TNRC6C: variants seen among roughly 807,000 people sequenced by gnomAD.
TNRC6C encodes the protein trinucleotide repeat containing adaptor 6C, also known as trinucleotide repeat-containing gene 6C protein.
TNRC6C carries 20 observed loss-of-function variants against 153.7 expected under a neutral mutation model. The ratio of observed to expected loss-of-function variants is 0.13; its 90% CI spans 0.09 to 0.19. The LOEUF (loss-of-function observed/expected upper bound fraction) is 0.19, where lower values mean the gene tolerates loss of function less well. Among genes scored for constraint, TNRC6C ranks in the 10% least tolerant of loss-of-function variants. The probability of loss-of-function intolerance (pLI) is 1.00; values close to 1 mark genes in which losing one functional copy is unlikely to be tolerated. For missense variants in TNRC6C, 1,987 were observed against 2,172.0 expected (o/e 0.91, Z 1.69); for synonymous variants, 811 against 841.4 (o/e 0.96, Z 0.63).
intron 1 of TNRC6C, among the ~76,000 whole-genome samples, chr17:77,998,135 A>G (rs370078188): frequency 2.0e-5 from 3 of 152,230 alleles, no homozygotes; most frequent in African/African-American, 7.2e-5. Context: ...GCCCAACAAA[A>G]CAACTCCCTT....
chr17:78,090,097 GGGCTTGCAAA>G (rs1296958275), intron 13 of TNRC6C, among the ~76,000 whole-genome samples: 4 of 152,228 alleles, frequency 2.6e-5, no homozygotes, highest in Non-Finnish European at 4.4e-5. Flanking sequence ...TGGCACTGAT[GGGCTTGCAAA>G]GGCGTTTTGT....
intron 4 of TNRC6C, chr17:78,066,493 A>G (rs191738218): frequency 1.3e-5 from 2 of 152,168 alleles, no homozygotes; most frequent in East Asian, 3.9e-4. Context: ...TTCATGCGCC[A>G]TTTTGAGCAT....
chr17:78,093,880 C>A, intron 16 of TNRC6C, 117 bp downstream of exon 18: 1 of 1,289,450 alleles, frequency 7.8e-7, no homozygotes, highest in Non-Finnish European at 1.0e-6. Flanking sequence ...AGTTGGCGGG[C>A]ACCTTTTCTA....
At chr17:78,021,566 A>T (rs984389785) in intron 1 of TNRC6C, among the ~76,000 whole-genome samples, 4 of 151,594 alleles carry the variant, frequency 2.6e-5, no homozygotes, top group African/African-American at 9.8e-5. Flanking sequence ...TAGGTTATTT[A>T]TTTTTTTATT....
intron 1 of TNRC6C, among the ~76,000 whole-genome samples, chr17:78,007,568 G>A (rs1417273120): frequency 6.6e-6 from 1 of 152,190 alleles, no homozygotes; most frequent in African/African-American, 2.4e-5. Flanking sequence ...TAACATTCTA[G>A]CATTTTGACT....
chr17:78,054,599 C>A (rs1231000930), intron 3 of TNRC6C, among the ~76,000 whole-genome samples: 1 of 151,892 alleles, frequency 6.6e-6, no homozygotes, highest in Non-Finnish European at 1.5e-5. Context: ...CTACTATACA[C>A]CACTGCAGAC....
intron 1 of TNRC6C, among the ~76,000 whole-genome samples, chr17:78,022,987 A>G (rs759942763): frequency 3.9e-5 from 6 of 152,180 alleles, no homozygotes; most frequent in Admixed American, 2.6e-4. Flanking sequence ...TCTAGAGATT[A>G]TTTAAATATA....
At chr17:78,097,704 C>A in intron 16 of TNRC6C, 41 bp from the exon 19 acceptor site, 2 of 1,428,166 alleles carry the variant, frequency 1.4e-6, no homozygotes, top group South Asian at 2.7e-5. Flanking sequence ...TGAACCCGGA[C>A]ACCGCCACCA....
At chr17:78,044,829 C>CT (rs1341401590) in intron 2 of TNRC6C, among the ~76,000 whole-genome samples, 1 of 152,186 alleles carries the variant, frequency 6.6e-6, no homozygotes, top group Admixed American at 6.5e-5. Context: ...CCTGGTTGGT[C>CT]TAAGTGACTT....
intron 1 of TNRC6C, among the ~76,000 whole-genome samples, chr17:77,966,609 T>G (rs2070898492): frequency 1.3e-5 from 2 of 152,224 alleles, no homozygotes; most frequent in Admixed American, 1.3e-4. Context: ...TTTTAGATGC[T>G]GATGGGGAAA....
chr17:78,093,862 CA>C (rs974406707), intron 16 of TNRC6C, 99 bp downstream of exon 18: 1 of 1,478,810 alleles, frequency 6.8e-7, no homozygotes, highest in African/African-American at 1.4e-5. Context: ...AGGGATGATA[CA>C]AGGCACAGTT....
exon 4 of TNRC6C, chr17:78,064,730 G>A (rs756298903): frequency 3.7e-6 from 6 of 1,613,358 alleles, no homozygotes. Flanking sequence ...AGTTTCATCA[G>A]GCTGGGGAGA....
At chr17:78,099,401 T>C (rs956030978) in intron 17 of TNRC6C, among the ~76,000 whole-genome samples, 12 of 152,270 alleles carry the variant, frequency 7.9e-5, no homozygotes, top group African/African-American at 2.9e-4. Flanking sequence ...AAGAATGAGA[T>C]TTATTGGACT....
chr17:78,018,880 A>G (rs2071780137), intron 1 of TNRC6C, among the ~76,000 whole-genome samples: 1 of 152,086 alleles, frequency 6.6e-6, no homozygotes, highest in South Asian at 2.1e-4. Context: ...AGTGCAGGAA[A>G]AGTTTTAAGC....
In TNRC6C at chr17:78,049,717, C is replaced by G; in HGVS notation, c.655C>G (p.Pro219Ala). 6.3e-7 allele frequency: 1 copy of G among 1,598,642 alleles called. No individual in the cohort carries two copies. The highest frequency in any genetic ancestry group is 1.1e-5 in the South Asian group (1 of 88,662). The change falls in exon 3 of 20, where the codon CCG becomes GCG. Residue 219 changes from proline to alanine, a missense_variant. By Grantham distance (27) the Pro-to-Ala change is conservative. Around this residue, in one of 4 missense-constraint regions of TNRC6C, gnomAD observed 1,052 missense variants for 1,017.0 expected, o/e 1.03. Transcript: ENST00000301624. The surrounding 1 kb of genome is among the most constrained non-coding windows in gnomAD (Gnocchi z 4.1). ...GGCTGTTGGTATGGGGGCCATCATC[C>G]CGCCCCACCTGCAAGGCCTTCCTGG...
intron 1 of TNRC6C, among the ~76,000 whole-genome samples, chr17:77,997,780 G>T (rs111890442): frequency 6.6e-6 from 1 of 151,328 alleles, no homozygotes; most frequent in Admixed American, 6.6e-5. Flanking sequence ...TCAGCCTCCC[G>T]AGTAGCTGGG....
chr17:78,101,348 A>T (rs1036054040), intron 17 of TNRC6C, among the ~76,000 whole-genome samples: 5 of 152,150 alleles, frequency 3.3e-5, no homozygotes, highest in African/African-American at 1.2e-4. Flanking sequence ...TATTGTCCAT[A>T]TCCTTATCAG....
chr17:78,104,590 G>C lies in TNRC6C; in HGVS notation c.4818G>C (p.Gln1606His), dbSNP rs1229637220. ...CGCTGCCACCCACTTCCAGCTGGCA[G>C]TCCAGCAGCGCGTCCAGCCAGCCGC... Residue 1606 changes from glutamine (Q) to histidine (H), a missense_variant, in exon 20 of 20, where the codon CAG becomes CAC. By Grantham distance (24) the Gln-to-His change is conservative. This residue lies in a region of TNRC6C where 139 missense variants were observed against 148.5 expected (regional missense o/e 0.94). Transcript: ENST00000301624. The surrounding 1 kb of genome is among the most constrained non-coding windows in gnomAD (Gnocchi z 6.2). The C allele has an allele frequency of 1.9e-6, 3 of 1,554,756 alleles. No individual in the cohort carries two copies. The South Asian group carries it at 3.6e-5, about 18-fold the overall frequency.
chr17:78,074,865 G>A (rs1236995007), intron 7 of TNRC6C, among the ~76,000 whole-genome samples: 2 of 152,250 alleles, frequency 1.3e-5, no homozygotes, highest in African/African-American at 2.4e-5. Context: ...TGGCTGCTGC[G>A]GAGAGGATAG....
Sources: allele counts gnomAD v4.1 joint callset (sites outside exome capture counted in the v4.1 genomes callset), GRCh38; gene constraint gnomAD v4.1.1; regional missense constraint gnomAD v4.1.1; non-coding constraint Gnocchi (gnomAD v3.1); transcripts MANE v1.5; gene names NCBI Gene and HGNC (gene_info 2026-07-23, HGNC 2026-07-21).